Variants in SPAG16 observed in about 807,000 individuals in gnomAD.
SPAG16 encodes the protein sperm-associated antigen 16 protein.
Under a neutral mutation model 80.4 loss-of-function variants are expected in SPAG16, and 86 were observed. The ratio of observed to expected loss-of-function variants is 1.07; its 90% CI spans 0.90 to 1.28. The LOEUF (loss-of-function observed/expected upper bound fraction) is 1.28, where lower values mean the gene tolerates loss of function less well. Ranked by LOEUF, SPAG16 falls within the 50% of genes most tolerant of loss-of-function variation. SPAG16 has a pLI of 0.00. For synonymous variants in SPAG16, 294 were observed against 265.9 expected (o/e 1.11, Z -1.03); for missense variants, 870 against 765.3 (o/e 1.14, Z -1.61).
At chr2:214,246,862 T>C (rs1206055381) in intron 15 of SPAG16, among the ~76,000 whole-genome samples, 1 of 152,218 alleles carries the variant, frequency 6.6e-6, no homozygotes, top group Non-Finnish European at 1.5e-5. Flanking sequence ...AAATTGCTTC[T>C]TTATTCTTTG....
intron 9 of SPAG16, among the ~76,000 whole-genome samples, chr2:213,419,055 A>T (rs753965726): frequency 8.3e-5 from 8 of 96,362 alleles, no homozygotes; most frequent in Non-Finnish European, 1.8e-4. Flanking sequence ...AGAGAGAGTG[A>T]TGAGGACTGG....
intron 9 of SPAG16, among the ~76,000 whole-genome samples, chr2:213,433,915 C>CTTTTTTTTTTTTTTTTTTTTTTTTTGTT: frequency 1.2e-5 from 1 of 85,014 alleles, no homozygotes; most frequent in Non-Finnish European, 2.3e-5. Flanking sequence ...TTTTCTTTGT[C>CTTTTTTTTTTTTTTTTTTTTTTTTTGTT]TTTTTTTTTT....
chr2:213,602,435 C>T (rs1242764079), intron 10 of SPAG16, among the ~76,000 whole-genome samples: 1 of 152,044 alleles, frequency 6.6e-6, no homozygotes, highest in African/African-American at 2.4e-5. Context: ...AGATCAAGAC[C>T]ATCCTGGCCA....
chr2:214,397,496 A>G (rs1701466941), intron 15 of SPAG16, among the ~76,000 whole-genome samples: 1 of 152,148 alleles, frequency 6.6e-6, no homozygotes, highest in Admixed American at 6.5e-5. Context: ...CTTGTCTTAT[A>G]GGTGTTCAAA....
chr2:213,905,467 A>G (rs1483372448), intron 11 of SPAG16, among the ~76,000 whole-genome samples: 1 of 152,260 alleles, frequency 6.6e-6, no homozygotes, highest in African/African-American at 2.4e-5. Context: ...CTTAATATTT[A>G]TAAAACTTGA....
At chr2:213,291,430 T>C (rs1471951710) in intron 1 of SPAG16, among the ~76,000 whole-genome samples, 1 of 152,260 alleles carries the variant, frequency 6.6e-6, no homozygotes, top group African/African-American at 2.4e-5. Context: ...AATTATATTG[T>C]GGATACATAA....
At chr2:213,847,704 A>T (rs2074701071) in intron 10 of SPAG16, among the ~76,000 whole-genome samples, 1 of 152,176 alleles carries the variant, frequency 6.6e-6, no homozygotes, top group African/African-American at 2.4e-5. Flanking sequence ...TGCCTACATA[A>T]GTTAGGTAGT....
intron 12 of SPAG16, among the ~76,000 whole-genome samples, chr2:214,004,692 C>A (rs1299837708): frequency 6.6e-6 from 1 of 151,628 alleles, no homozygotes; most frequent in African/African-American, 2.4e-5. Flanking sequence ...CTTCCCCAGG[C>A]AGGATCTTAA....
At chr2:213,735,523 T>C (rs1163254596) in intron 10 of SPAG16, among the ~76,000 whole-genome samples, 1 of 152,142 alleles carries the variant, frequency 6.6e-6, no homozygotes. Flanking sequence ...GAAGCTCATA[T>C]TGTTTCCCAG....
At chr2:213,495,455 T>C (rs2074441275) in intron 10 of SPAG16, among the ~76,000 whole-genome samples, 1 of 152,206 alleles carries the variant, frequency 6.6e-6, no homozygotes, top group Non-Finnish European at 1.5e-5. Context: ...ATTTTAAAAA[T>C]AAAAATATTG....
At chr2:213,972,690 C>G (rs186517734) in intron 12 of SPAG16, among the ~76,000 whole-genome samples, 115 of 152,256 alleles carry the variant, frequency 7.6e-4, no homozygotes, top group Admixed American at 1.2e-3. Flanking sequence ...ATAATGCAGT[C>G]AAGTTTACAC....
At chr2:213,827,434 T>G (rs551716373) in intron 10 of SPAG16, among the ~76,000 whole-genome samples, 1 of 152,192 alleles carries the variant, frequency 6.6e-6, no homozygotes, top group Non-Finnish European at 1.5e-5. Flanking sequence ...TTTGCATAAA[T>G]AAACTAACAA....
At chr2:213,576,837 T>TTGGAGGG (rs2060144254) in intron 10 of SPAG16, among the ~76,000 whole-genome samples, 1 of 151,996 alleles carries the variant, frequency 6.6e-6, no homozygotes, top group East Asian at 1.9e-4. Flanking sequence ...CTGGGGCCTT[T>TTGGAGGG]TGGAGGGTGG....
At chr2:214,190,386 T>C (rs1387847732) in intron 15 of SPAG16, among the ~76,000 whole-genome samples, 1 of 152,134 alleles carries the variant, frequency 6.6e-6, no homozygotes, top group East Asian at 1.9e-4. Flanking sequence ...ATTTTCTTCT[T>C]CATATATGCC....
chr2:214,290,324 G>A (rs868239332), intron 15 of SPAG16, among the ~76,000 whole-genome samples: 3 of 151,932 alleles, frequency 2.0e-5, no homozygotes, highest in Non-Finnish European at 4.4e-5. Context: ...ATATTGGCCT[G>A]TAATTTTGTT....
At chr2:214,137,283 T>C (rs1357182937) in intron 14 of SPAG16, among the ~76,000 whole-genome samples, 1 of 152,134 alleles carries the variant, frequency 6.6e-6, no homozygotes, top group Admixed American at 6.6e-5. Context: ...TTGAACTACA[T>C]ATTTTTTCGT....
chr2:213,853,330 C>G (rs1286236222), intron 10 of SPAG16, among the ~76,000 whole-genome samples: 1 of 152,160 alleles, frequency 6.6e-6, no homozygotes, highest in Non-Finnish European at 1.5e-5. Flanking sequence ...CCTACACACA[C>G]TCCCTCCAAA....
chr2:214,299,834 T>C (rs1324768519), intron 15 of SPAG16, among the ~76,000 whole-genome samples: 1 of 152,170 alleles, frequency 6.6e-6, no homozygotes, highest in Admixed American at 6.5e-5. Flanking sequence ...GGTAAATTTT[T>C]CTCTTTTTGA....
intron 5 of SPAG16, among the ~76,000 whole-genome samples, 199 bp from the exon 6 acceptor site, chr2:213,339,964 G>A (rs192069692): frequency 6.6e-6 from 1 of 152,060 alleles, no homozygotes; most frequent in African/African-American, 2.4e-5. Flanking sequence ...TACAGGTTTT[G>A]CCCTTTCATC....
Sources: allele counts gnomAD v4.1 joint callset (sites outside exome capture counted in the v4.1 genomes callset), GRCh38; gene constraint gnomAD v4.1.1; transcripts MANE v1.5; gene names NCBI Gene and HGNC (gene_info 2026-07-23, HGNC 2026-07-21).